The following CLSTN2 variants were observed in gnomAD, a reference collection of about 807,000 sequenced individuals.
The protein encoded by CLSTN2 is calsyntenin 2.
A neutral mutation model predicts 101.2 loss-of-function variants in CLSTN2; 48 were observed. The observed-to-expected ratio is 0.47, with a 90% CI of 0.38 to 0.60. The LOEUF (loss-of-function observed/expected upper bound fraction) is 0.60, where lower values mean the gene tolerates loss of function less well. CLSTN2 is among the 20% of genes least tolerant of loss of function. The pLI is 0.00. For synonymous variants in CLSTN2, 481 were observed against 463.6 expected (o/e 1.04, Z -0.48); for missense variants, 1,160 against 1,238.2 (o/e 0.94, Z 0.95).
intron 2 of CLSTN2, among the ~76,000 whole-genome samples, chr3:140,251,392 C>T (rs1053187226): frequency 6.6e-6 from 1 of 152,140 alleles, no homozygotes; most frequent in Non-Finnish European, 1.5e-5. Flanking sequence ...GGTAATTTGC[C>T]TAGGTATTAA....
chr3:140,527,591 T>A (rs1382755828), intron 8 of CLSTN2, among the ~76,000 whole-genome samples: 1 of 152,084 alleles, frequency 6.6e-6, no homozygotes, highest in African/African-American at 2.4e-5. Flanking sequence ...GAAAATAAAT[T>A]GTTTTACCAA....
At chr3:140,350,116 C>T (rs1184131644) in intron 2 of CLSTN2, among the ~76,000 whole-genome samples, 1 of 152,228 alleles carries the variant, frequency 6.6e-6, no homozygotes, top group African/African-American at 2.4e-5. Flanking sequence ...TGACAGCCCA[C>T]GTGATTCTGC....
chr3:140,425,340 C>T (rs1329189887), intron 5 of CLSTN2, among the ~76,000 whole-genome samples: 1 of 152,200 alleles, frequency 6.6e-6, no homozygotes, highest in Non-Finnish European at 1.5e-5. Context: ...GGGCAGTGGC[C>T]CTCATTGTTT....
chr3:140,265,046 TG>T (rs1412039470), intron 2 of CLSTN2, among the ~76,000 whole-genome samples: 1 of 152,180 alleles, frequency 6.6e-6, no homozygotes, highest in Non-Finnish European at 1.5e-5. Flanking sequence ...TATACACATT[TG>T]TCCATTTAAT....
At chr3:140,119,805 G>C (rs142375710) in intron 1 of CLSTN2, among the ~76,000 whole-genome samples, 2 of 152,270 alleles carry the variant, frequency 1.3e-5, no homozygotes, top group African/African-American at 4.8e-5. Context: ...CTGGTCAGCA[G>C]TAGGGCATCT....
chr3:139,973,833 T>A (rs927740578), intron 1 of CLSTN2, among the ~76,000 whole-genome samples: 18 of 151,964 alleles, frequency 1.2e-4, no homozygotes, highest in Admixed American at 9.8e-4. Context: ...AGAGATGGGG[T>A]CTCTCTTTGT....
At chr3:140,531,360 A>G (rs1357385855) in intron 8 of CLSTN2, among the ~76,000 whole-genome samples, 4 of 152,236 alleles carry the variant, frequency 2.6e-5, no homozygotes, top group African/African-American at 9.6e-5. Context: ...AAGGAGAAAG[A>G]TTATTTAGCA....
At chr3:140,177,812 A>G (rs1387468143) in intron 2 of CLSTN2, among the ~76,000 whole-genome samples, 2 of 152,190 alleles carry the variant, frequency 1.3e-5, no homozygotes, top group East Asian at 3.8e-4. Flanking sequence ...ACATTTAGAA[A>G]TTGAGAGATT....
At chr3:140,012,436 C>A (rs2007098243) in intron 1 of CLSTN2, among the ~76,000 whole-genome samples, 1 of 152,142 alleles carries the variant, frequency 6.6e-6, no homozygotes, top group African/African-American at 2.4e-5. Flanking sequence ...TCAAGGTCCC[C>A]AGCATTCTCT....
At chr3:140,516,327 A>G (rs552953007) in intron 8 of CLSTN2, among the ~76,000 whole-genome samples, 2 of 152,312 alleles carry the variant, frequency 1.3e-5, no homozygotes, top group East Asian at 3.9e-4. Flanking sequence ...TAGGCCATTT[A>G]CATTCAATAT....
intron 1 of CLSTN2, among the ~76,000 whole-genome samples, chr3:139,997,794 A>G (rs1262230669): frequency 6.6e-6 from 1 of 152,144 alleles, no homozygotes; most frequent in Non-Finnish European, 1.5e-5. Context: ...GTCAATTTGT[A>G]GAGCCTCTTG....
chr3:140,180,240 G>A (rs1455456422), intron 2 of CLSTN2, among the ~76,000 whole-genome samples: 1 of 152,228 alleles, frequency 6.6e-6, no homozygotes, highest in African/African-American at 2.4e-5. Flanking sequence ...AACTTGCCCA[G>A]AATCCCAGAA....
chr3:140,133,627 G>A (rs547612278), intron 1 of CLSTN2, among the ~76,000 whole-genome samples: 3 of 152,250 alleles, frequency 2.0e-5, no homozygotes, highest in East Asian at 1.9e-4. Context: ...GAGGTGGGGG[G>A]GCCAGGAGGC....
At chr3:140,266,335 T>G (rs1329089115) in intron 2 of CLSTN2, among the ~76,000 whole-genome samples, 1 of 152,130 alleles carries the variant, frequency 6.6e-6, no homozygotes, top group African/African-American at 2.4e-5. Context: ...ACAGGAACAG[T>G]GAGATCCAAA....
intron 1 of CLSTN2, among the ~76,000 whole-genome samples, chr3:140,104,639 G>A (rs2009022422): frequency 6.6e-6 from 1 of 152,188 alleles, no homozygotes; most frequent in African/African-American, 2.4e-5. Flanking sequence ...AAGAGAAAGT[G>A]TCTAAAAAGA....
intron 2 of CLSTN2, among the ~76,000 whole-genome samples, chr3:140,332,846 C>T (rs1373042499): frequency 3.3e-5 from 5 of 152,080 alleles, no homozygotes; most frequent in African/African-American, 1.2e-4. Flanking sequence ...CTGTTCATTT[C>T]CTCTAGATCT....
intron 2 of CLSTN2, among the ~76,000 whole-genome samples, chr3:140,320,085 C>A (rs2107922908): frequency 6.6e-6 from 1 of 152,326 alleles, no homozygotes; most frequent in Middle Eastern, 3.4e-3. Context: ...GACTGCTAAC[C>A]ACCATGCATT....
intron 5 of CLSTN2, among the ~76,000 whole-genome samples, chr3:140,447,068 A>C (rs963421271): frequency 3.9e-4 from 60 of 152,376 alleles, no homozygotes; most frequent in African/African-American, 1.4e-3. Context: ...TGGTGGCTCC[A>C]GTGGCCCATT....
intron 5 of CLSTN2, among the ~76,000 whole-genome samples, chr3:140,425,269 GA>G (rs1458864205): frequency 6.6e-6 from 1 of 152,132 alleles, no homozygotes; most frequent in Admixed American, 6.5e-5. Context: ...CCCACAGCTG[GA>G]GCCTTTCCTT....
Sources: allele counts gnomAD v4.1 joint callset (sites outside exome capture counted in the v4.1 genomes callset), GRCh38; gene constraint gnomAD v4.1.1; transcripts MANE v1.5; gene names NCBI Gene and HGNC (gene_info 2026-07-23, HGNC 2026-07-21).